The following NOS1 variants were observed in gnomAD, a reference collection of about 807,000 sequenced individuals.
The protein encoded by NOS1 is NOS type I.
A neutral mutation model predicts 164.5 loss-of-function variants in NOS1; 51 were observed. The ratio of observed to expected loss-of-function variants is 0.31; its 90% CI spans 0.25 to 0.39. The LOEUF is 0.39. Ranked by LOEUF, NOS1 falls within the 10% of genes least tolerant of loss-of-function variation. NOS1 has a pLI of 1.00. For missense variants in NOS1, 1,362 were observed against 1,885.6 expected, an observed-to-expected ratio of 0.72 and a Z score of 5.14; for synonymous variants, 719 against 745.8, an observed-to-expected ratio of 0.96 and a Z score of 0.59.
At chr12:117,357,101 T>C (rs1876886509) in intron 1 of NOS1, among the ~76,000 whole-genome samples, 2 of 152,190 alleles carry the variant, frequency 1.3e-5, no homozygotes, top group East Asian at 1.9e-4. Flanking sequence ...GGCAGGCAGA[T>C]GGCTTGAGCC....
intron 26 of NOS1, 67 bp downstream of exon 26, chr12:117,222,648 T>C (rs1956726028): frequency 2.0e-6 from 3 of 1,477,890 alleles, no homozygotes; most frequent in African/African-American, 2.8e-5. Context: ...GAGGGGTTTC[T>C]GAGAGTAGGA....
Position 117,268,055 on chromosome 12 carries a change from G to A in NOS1, c.1929C>T (p.Leu643=), listed in dbSNP as rs375373992. Reference sequence around the variant, plus strand: ...GCCCTGGTGTTACCTGGAAGCTATAGAGAACCGCGATATTGATCTCCACCA... The same window carrying A: ...GCCCTGGTGTTACCTGGAAGCTATAAAGAACCGCGATATTGATCTCCACCA... The part of the protein sequence containing the change: ...QALVEINIAV[L]YSFQSDKVTI... The change falls in exon 11 of 29, where the codon CTC becomes CTT. Residue 643 remains leucine (L), a synonymous_variant. Transcript: ENST00000317775. 4.5e-5 allele frequency: 72 copies of A among 1,613,240 alleles called. No homozygotes were observed. The Middle Eastern group carries it at 5.0e-4, about 11-fold the overall frequency.
chr12:117,246,820 A>G (rs1253237564), intron 18 of NOS1, among the ~76,000 whole-genome samples: 1 of 152,194 alleles, frequency 6.6e-6, no homozygotes, highest in African/African-American at 2.4e-5. Context: ...ATTCTTTTTT[A>G]TGGATGAAGA....
intron 1 of NOS1, among the ~76,000 whole-genome samples, chr12:117,351,855 G>C (rs148092631): frequency 1.3e-5 from 2 of 152,200 alleles, no homozygotes; most frequent in African/African-American, 4.8e-5. Context: ...TCAGAATCCT[G>C]CCTCTTCTCC....
chr12:117,254,468 A>T (rs1479222735), intron 16 of NOS1, among the ~76,000 whole-genome samples: 1 of 152,168 alleles, frequency 6.6e-6, no homozygotes, highest in African/African-American at 2.4e-5. Flanking sequence ...GCAGATTCTG[A>T]TTAAGTAGTT....
intron 14 of NOS1, 77 bp from the exon 15 acceptor site, chr12:117,259,207 A>G: frequency 1.1e-6 from 1 of 949,420 alleles, no homozygotes; most frequent in East Asian, 2.4e-5. Context: ...GGAGAGACAA[A>G]AAGTGATGGG....
chr12:117,361,237 T>C (rs1877134429), intron 1 of NOS1, among the ~76,000 whole-genome samples: 1 of 147,530 alleles, frequency 6.8e-6, no homozygotes, highest in South Asian at 2.3e-4. Context: ...GCGCTCCGGG[T>C]TCTGAATCCT....
chr12:117,240,508 T>C (rs944855195), intron 20 of NOS1, among the ~76,000 whole-genome samples: 3 of 152,224 alleles, frequency 2.0e-5, no homozygotes, highest in African/African-American at 7.2e-5. Context: ...GGTGAGGCCA[T>C]CTGTGTAGCC....
At chr12:117,293,286 G>A (rs577192540) in intron 3 of NOS1, among the ~76,000 whole-genome samples, 3 of 152,294 alleles carry the variant, frequency 2.0e-5, no homozygotes, top group South Asian at 2.1e-4. Flanking sequence ...CACGGCTCCT[G>A]GCCCTCGCCA....
chr12:117,298,319 G>A (rs1264080790), intron 3 of NOS1, among the ~76,000 whole-genome samples: 2 of 152,036 alleles, frequency 1.3e-5, no homozygotes, highest in Non-Finnish European at 2.9e-5. Flanking sequence ...TCTGACAGGG[G>A]GCAGAGCCCA....
chr12:117,292,162 C>A (rs1873106611), intron 3 of NOS1, among the ~76,000 whole-genome samples: 1 of 152,146 alleles, frequency 6.6e-6, no homozygotes, highest in African/African-American at 2.4e-5. Context: ...ACCTTGCCCT[C>A]TGGAGTGTTA....
intron 12 of NOS1, 124 bp from the exon 13 acceptor site, chr12:117,264,098 T>A: frequency 2.2e-6 from 1 of 461,128 alleles, no homozygotes; most frequent in Non-Finnish European, 3.9e-6. Context: ...AGGGAAGAAT[T>A]CTGCCCAGTG....
At chr12:117,295,583 T>C (rs968198623) in intron 3 of NOS1, among the ~76,000 whole-genome samples, 2 of 150,960 alleles carry the variant, frequency 1.3e-5, no homozygotes, top group African/African-American at 4.9e-5. Flanking sequence ...TTTGCTCAAA[T>C]GCCGTCATGT....
At chr12:117,268,675 C>T (rs1204082139) in intron 10 of NOS1, among the ~76,000 whole-genome samples, 46 of 148,988 alleles carry the variant, frequency 3.1e-4, no homozygotes, top group Admixed American at 4.0e-4. Context: ...CTGCAAGCTC[C>T]GCCTCTTGGG....
chr12:117,232,970 T>C (rs935587111), intron 21 of NOS1, among the ~76,000 whole-genome samples: 1 of 151,302 alleles, frequency 6.6e-6, no homozygotes, highest in Non-Finnish European at 1.5e-5. Flanking sequence ...CGGGCTCAAG[T>C]AATCCTCCCA....
At chr12:117,236,128 A>G (rs1182183568) in intron 20 of NOS1, among the ~76,000 whole-genome samples, 1 of 152,194 alleles carries the variant, frequency 6.6e-6, no homozygotes. Context: ...TGCAAACTCG[A>G]GGATCGATTA....
In NOS1 at chr12:117,338,914, A is replaced by C. The variant is rs150684110; in HGVS notation, c.-420-7425T>G. On this transcript the variant is annotated intron_variant, in intron 1 of 28. Transcript: ENST00000317775. ...CAGCCCTGTTTCCCATCTCCCTCCA[A>C]TCTCATTTAAAAACAAACTCCAAGT... Among the ~76,000 whole-genome samples, 301 of 152,272 alleles carry C rather than the reference A, an allele frequency of 2.0e-3. 1 individual carries two copies. The highest frequency in any genetic ancestry group is 6.9e-3 in the African/African-American group (287 of 41,562).
In NOS1 at chr12:117,215,341, T is replaced by TG. The variant is rs769283484; in HGVS notation, c.4290-18dup. On this transcript the variant is annotated splice_polypyrimidine_tract_variant and intron_variant, in intron 28 of 28. Coordinates refer to ENST00000317775, the MANE Select transcript of NOS1 (RefSeq NM_000620.5). ...CTGAAAACCCTGTGGAAAGAGAAGTTGGGGGGCAGTTAGTGCCCCAAGGGC... is the reference window on the plus strand; with the variant it reads ...CTGAAAACCCTGTGGAAAGAGAAGTTGGGGGGGCAGTTAGTGCCCCAAGGGC... 9.2e-6 allele frequency: 14 copies of TG among 1,528,758 alleles called. No homozygotes were observed. Among genetic ancestry groups the TG allele is most frequent in the Admixed American group, 2.0e-5 (1 of 49,396 alleles). The allele number at this position is 1,528,758 out of a possible 1,614,324, so 94.7% of individuals were successfully genotyped here. A position where few individuals can be genotyped will look rare whatever the true frequency, so the allele number is the denominator to read the frequency against.
Position 117,211,164 on chromosome 12 carries a change from G to T in NOS1, c.*4145C>A. 1 of 775,904 alleles carries T rather than the reference G, an allele frequency of 1.3e-6. No homozygotes were observed. Among genetic ancestry groups the T allele is most frequent in the Non-Finnish European group, 1.6e-6 (1 of 638,950 alleles). The allele number at this position is 775,904 out of a possible 1,614,324, so 48.1% of individuals were successfully genotyped here. ...AGTAGAGTCAGGGTTTCTACTAACT[G>T]GCTGACTGGTCTCCAACTCCTGACC... On this transcript the variant is annotated 3_prime_UTR_variant, in exon 29 of 29. Coordinates refer to ENST00000317775, the MANE Select transcript of NOS1 (RefSeq NM_000620.5).
Sources: allele counts gnomAD v4.1 joint callset (sites outside exome capture counted in the v4.1 genomes callset), GRCh38; gene constraint gnomAD v4.1.1; transcripts MANE v1.5; gene names NCBI Gene and HGNC (gene_info 2026-07-23, HGNC 2026-07-21).